Variants in ZNF761 observed in about 807,000 individuals in gnomAD.
ZNF761 encodes zinc finger protein 761.
A neutral mutation model predicts 59.9 loss-of-function variants in ZNF761; 43 were observed. The ratio of observed to expected loss-of-function variants is 0.72; its 90% CI spans 0.56 to 0.92. The LOEUF is 0.92. Ranked by LOEUF, ZNF761 falls within the 40% of genes least tolerant of loss-of-function variation. The probability of loss-of-function intolerance (pLI) is 0.00; values close to 1 mark genes in which losing one functional copy is unlikely to be tolerated. For synonymous variants in ZNF761, 294 were observed against 304.8 expected (o/e 0.96, Z 0.37); for missense variants, 850 against 906.1 (o/e 0.94, Z 0.79).
chr19:53,451,874 A>G (rs924382095), intron 4 of ZNF761, among the ~76,000 whole-genome samples: 15 of 151,412 alleles, frequency 9.9e-5, no homozygotes, highest in South Asian at 8.3e-4. Context: ...GGTGTGAACC[A>G]CCATGCCTGG....
chr19:53,435,121 TAA>T (rs1335657200), intron 1 of ZNF761, among the ~76,000 whole-genome samples: 1 of 151,852 alleles, frequency 6.6e-6, no homozygotes, highest in Admixed American at 6.6e-5. Context: ...AGGCCATCGG[TAA>T]AAGGGGGGGA....
chr19:53,456,453 T>C lies in ZNF761; in HGVS notation c.1946T>C (p.Leu649Pro), dbSNP rs770170697. ...AAAGCTTTCCGTGTGAAATCAAACC[T>C]TGAAGGACATAGGAGAATTCATACT... ...CDKAFRVKSN[L>P]EGHRRIHTGE... The change falls in exon 5 of 5, where the codon CTT becomes CCT. Residue 649 changes from leucine to proline, a missense_variant. By Grantham distance (98) the Leu-to-Pro change is moderately conservative. Transcript: ENST00000684525. The C allele has an allele frequency of 3.1e-6, 5 of 1,613,616 alleles. No homozygotes were observed. The highest frequency in any genetic ancestry group is 3.4e-6 in the Non-Finnish European group (4 of 1,179,882).
At chr19:53,440,711 C>T (rs371182116) in intron 1 of ZNF761, among the ~76,000 whole-genome samples, 1 of 151,888 alleles carries the variant, frequency 6.6e-6, no homozygotes, top group African/African-American at 2.4e-5. Context: ...ACAGGGCTGG[C>T]TCTATCGCCC....
chr19:53,456,893 G>T lies in ZNF761; in HGVS notation c.*145G>T. The T allele has an allele frequency of 1.1e-6, 1 of 945,606 alleles. No homozygotes were observed. The highest frequency in any genetic ancestry group is 1.6e-5 in the South Asian group (1 of 63,538). 58.6% of individuals were successfully genotyped at this position (945,606 alleles called of 1,614,324 possible). ...TCAGAAGACAGGAGAATTCATACTG[G>T]AGAGAAAGCTTATAAATGTGAAGAA... On this transcript the variant is annotated 3_prime_UTR_variant, in exon 5 of 5. Transcript: ENST00000684525.
rs140783795 is a variant in ZNF761 at position 53,434,800 on chromosome 19, G to A, written c.-185+2772G>A. On this transcript the variant is annotated intron_variant, in intron 1 of 4. Transcript: ENST00000684525. Reference sequence around the variant, plus strand: ...TTAAGGCCATTGGTCTACTATGTTCGTCCTTCTACAAACAACATGAGGAAA... The same window carrying A: ...TTAAGGCCATTGGTCTACTATGTTCATCCTTCTACAAACAACATGAGGAAA... Among the ~76,000 whole-genome samples the A allele has an allele frequency of 8.4e-3, 1,286 of 152,198 alleles. 8 individuals carry two copies. The highest frequency in any genetic ancestry group is 0.027 in the Middle Eastern group (8 of 294).
intron 1 of ZNF761, chr19:53,444,501 G>T (rs999564935): frequency 6.6e-6 from 1 of 152,088 alleles, no homozygotes; most frequent in African/African-American, 2.4e-5. Context: ...CTTTGCTTAC[G>T]TTTTCCTGCT....
In ZNF761 at chr19:53,457,027, C is replaced by T. The variant is rs375773089; in HGVS notation, c.*279C>T. 2.3e-4 allele frequency: 151 copies of T among 646,234 alleles called. No individual in the cohort carries two copies. The highest frequency in any genetic ancestry group is 2.1e-3 in the South Asian group (124 of 59,430). 40.0% of individuals were successfully genotyped at this position (646,234 alleles called of 1,614,324 possible). A position where few individuals can be genotyped will look rare whatever the true frequency, so the allele number is the denominator to read the frequency against. ...TGTGACAAGGCTTTTGGGCATGATT[C>T]GCACCTGGCACAACATGCTAGAATT... On this transcript the variant is annotated 3_prime_UTR_variant, in exon 5 of 5. Coordinates refer to ENST00000684525, the MANE Select transcript of ZNF761 (RefSeq NM_001289951.2).
chr19:53,433,692 G>A (rs1330474839), intron 1 of ZNF761, among the ~76,000 whole-genome samples: 1 of 152,146 alleles, frequency 6.6e-6, no homozygotes, highest in Non-Finnish European at 1.5e-5. Flanking sequence ...TTAGCTGAGT[G>A]GTAGTCTGCC....
intron 2 of ZNF761, 153 bp from the exon 3 acceptor site, chr19:53,447,043 C>T (rs1392303154): frequency 1.1e-5 from 5 of 450,972 alleles, no homozygotes; most frequent in Non-Finnish European, 1.6e-5. Context: ...GAAAGAAGTG[C>T]GAGTTTTCCT....
chr19:53,454,748 C>G lies in ZNF761; in HGVS notation c.241C>G (p.His81Asp). The change falls in exon 5 of 5, where the codon CAC (histidine) becomes GAC (aspartate). Residue 81 changes from histidine (H) to aspartate (D), a missense_variant. Transcript: ENST00000684525. ...AGTLQIHESH[H>D]NGDFCYQDVD... ...GACATTGCAAATACATGAAAGTCATCACAATGGAGATTTTTGCTACCAGGA... is the reference window on the plus strand; with the variant it reads ...GACATTGCAAATACATGAAAGTCATGACAATGGAGATTTTTGCTACCAGGA... 6.2e-7 allele frequency: 1 copy of G among 1,614,064 alleles called. No individual in the cohort carries two copies. The highest frequency in any genetic ancestry group is 2.2e-5 in the East Asian group (1 of 44,856).
rs984967274 is a variant in ZNF761, at chr19:53,441,907, G to T, written c.-184-4320G>T. Reference sequence around the variant, plus strand: ...TCGAGGCAGTGAAGCGCAAGATCCAGGTTCTGCAGCACCAGGCAGATGATG... The same window carrying T: ...TCGAGGCAGTGAAGCGCAAGATCCATGTTCTGCAGCACCAGGCAGATGATG... On this transcript the variant is annotated intron_variant, in intron 1 of 4. Coordinates refer to ENST00000684525, the MANE Select transcript of ZNF761 (RefSeq NM_001289951.2). 2.0e-5 allele frequency: 31 copies of T among 1,572,058 alleles called. No homozygotes were observed. In the Admixed American group the frequency reaches 4.9e-4, roughly 25 times the overall value.
At position 53,439,096 on chromosome 19, in the gene ZNF761, C is replaced by T. The variant is rs1005057558; in HGVS notation, c.-185+7068C>T. Among the ~76,000 whole-genome samples, 7 of 152,090 alleles carry T rather than the reference C, an allele frequency of 4.6e-5. No homozygotes were observed. In the East Asian group the frequency reaches 7.8e-4, roughly 17 times the overall value. On this transcript the variant is annotated intron_variant, in intron 1 of 4. Coordinates refer to ENST00000684525, the MANE Select transcript of ZNF761 (RefSeq NM_001289951.2). ...GACCAGACTGGCCAAGATGGTGAAA[C>T]CCTGTCTTTACCAAAAATACAAAAA...
intron 4 of ZNF761, 40 bp downstream of exon 4, chr19:53,449,678 G>A (rs1213873050): frequency 6.3e-7 from 1 of 1,592,040 alleles, no homozygotes; most frequent in Admixed American, 1.8e-5. Flanking sequence ...ATGTGCCCTT[G>A]TGTATCTTTG....
chr19:53,449,712 A>G (rs1179299344), intron 4 of ZNF761, 74 bp downstream of exon 4: 38 of 1,588,652 alleles, frequency 2.4e-5, no homozygotes, highest in Non-Finnish European at 2.9e-5. Context: ...TTTTAGATAC[A>G]GTGTCTTGCT....
chr19:53,451,932 A>G (rs1340396611), intron 4 of ZNF761, among the ~76,000 whole-genome samples: 1 of 151,990 alleles, frequency 6.6e-6, no homozygotes, highest in Non-Finnish European at 1.5e-5. Flanking sequence ...GATGGCTTCA[A>G]GTATTGTTAA....
At chr19:53,447,701 T>A (rs902954640) in intron 3 of ZNF761, among the ~76,000 whole-genome samples, 4 of 152,178 alleles carry the variant, frequency 2.6e-5, no homozygotes, top group Non-Finnish European at 5.9e-5. Flanking sequence ...GTGACCAAGA[T>A]CGAGAAATGT....
At chr19:53,451,969 C>T (rs1264399932) in intron 4 of ZNF761, among the ~76,000 whole-genome samples, 1 of 152,062 alleles carries the variant, frequency 6.6e-6, no homozygotes, top group African/African-American at 2.4e-5. Flanking sequence ...TCTAAACTTC[C>T]TTTGTTTAAT....
At chr19:53,451,434 C>G (rs371016504) in intron 4 of ZNF761, among the ~76,000 whole-genome samples, 15 of 152,122 alleles carry the variant, frequency 9.9e-5, no homozygotes, top group African/African-American at 3.1e-4. Flanking sequence ...GTCAGAAACC[C>G]CTGCCCTCAA....
At chr19:53,445,398 C>G (rs2086145990) in intron 1 of ZNF761, 1 of 152,144 alleles carries the variant, frequency 6.6e-6, no homozygotes, top group South Asian at 2.1e-4. Context: ...AAGACCAAGC[C>G]TTCCCATTAG....
Sources: allele counts gnomAD v4.1 joint callset (sites outside exome capture counted in the v4.1 genomes callset), GRCh38; gene constraint gnomAD v4.1.1; transcripts MANE v1.5; gene names NCBI Gene and HGNC (gene_info 2026-07-23, HGNC 2026-07-21).